Variants in ATP9B observed in about 807,000 individuals in gnomAD.
The protein encoded by ATP9B is probable phospholipid-transporting ATPase IIB.
In ATP9B, 110 loss-of-function variants were observed where a neutral mutation model predicts 146.1. That is an observed-to-expected ratio of 0.75 (90% CI 0.65 to 0.88). The LOEUF is 0.88. Ranked by LOEUF, ATP9B falls within the 40% of genes least tolerant of loss-of-function variation. ATP9B has a pLI of 0.00. For synonymous variants in ATP9B, 604 were observed against 569.7 expected, an observed-to-expected ratio of 1.06 and a Z score of -0.86; for missense variants, 1,499 against 1,496.4, an observed-to-expected ratio of 1.00 and a Z score of -0.03.
Position 79,337,299 on chromosome 18 carries a change from G to A in ATP9B, c.2133G>A (p.Lys711=). 1 of 1,614,014 alleles carries A rather than the reference G, an allele frequency of 6.2e-7. No homozygotes were observed. The highest frequency in any genetic ancestry group is 8.5e-7 in the Non-Finnish European group (1 of 1,179,992). Residue 711 remains lysine (K), a synonymous_variant, in exon 19 of 30, where the codon AAG becomes AAA. Transcript: ENST00000426216. ...CCCAGAGCCGATACACTCAAGCCAA[G>A]CTGAGCATGCACGACAGGTCCCTCA... ...QDFESRYTQA[K]LSMHDRSLKV...
chr18:79,161,782 C>A (rs1326249604), intron 7 of ATP9B, among the ~76,000 whole-genome samples: 5 of 152,092 alleles, frequency 3.3e-5, no homozygotes, highest in African/African-American at 1.2e-4. Context: ...GGAGGCGGAG[C>A]TTGCAGTGAG....
chr18:79,209,613 G>A (rs1160267941), intron 10 of ATP9B: 11 of 981,304 alleles, frequency 1.1e-5, no homozygotes, highest in South Asian at 9.4e-5. Context: ...GTAACATGCC[G>A]GCCCCATCCT....
At chr18:79,327,914 G>T (rs113518515) in intron 15 of ATP9B, among the ~76,000 whole-genome samples, 204 of 52,544 alleles carry the variant, frequency 3.9e-3, no homozygotes, top group Admixed American at 7.1e-3. Flanking sequence ...CTCTCCGTGG[G>T]TAGCGTGCTC....
intron 13 of ATP9B, among the ~76,000 whole-genome samples, chr18:79,292,241 C>T (rs1027249927): frequency 3.3e-5 from 5 of 152,140 alleles, no homozygotes; most frequent in Non-Finnish European, 7.3e-5. Flanking sequence ...AAGAAGGTGG[C>T]GTCCACATTG....
At chr18:79,179,608 A>G (rs1416732263) in intron 8 of ATP9B, among the ~76,000 whole-genome samples, 4 of 152,240 alleles carry the variant, frequency 2.6e-5, no homozygotes, top group South Asian at 4.1e-4. Context: ...GATTTTCCCA[A>G]TGTCTGGTAA....
At chr18:79,342,003 A>G (rs1048059728) in intron 19 of ATP9B, among the ~76,000 whole-genome samples, 8 of 152,206 alleles carry the variant, frequency 5.3e-5, no homozygotes, top group Non-Finnish European at 8.8e-5. Context: ...GGGATCATAC[A>G]GTATTTGTCC....
intron 13 of ATP9B, among the ~76,000 whole-genome samples, chr18:79,292,336 T>C (rs186021074): frequency 3.2e-4 from 48 of 152,290 alleles, no homozygotes; most frequent in Non-Finnish European, 4.6e-4. Context: ...CTCTATTAAT[T>C]AAAGGGGTTT....
At chr18:79,073,423 C>G (rs549729778) in intron 1 of ATP9B, among the ~76,000 whole-genome samples, 2 of 152,182 alleles carry the variant, frequency 1.3e-5, no homozygotes, top group Non-Finnish European at 2.9e-5. Context: ...AGTCAGGAGC[C>G]GGAGACCAGC....
intron 12 of ATP9B, among the ~76,000 whole-genome samples, chr18:79,258,179 CAA>C (rs1471111134): frequency 6.6e-6 from 1 of 152,156 alleles, no homozygotes; most frequent in East Asian, 1.9e-4. Flanking sequence ...TATAGTAAAA[CAA>C]AATAGAAAAT....
chr18:79,155,830 T>TCC (rs537706949), intron 7 of ATP9B, among the ~76,000 whole-genome samples: 125 of 135,220 alleles, frequency 9.2e-4, no homozygotes, highest in African/African-American at 3.2e-3. Context: ...TGGTGCGATC[T>TCC]CCGCTCACTG....
At chr18:79,339,694 AGT>A (rs1298168033) in intron 19 of ATP9B, among the ~76,000 whole-genome samples, 1 of 151,528 alleles carries the variant, frequency 6.6e-6, no homozygotes. Flanking sequence ...CGCAGTAGGA[AGT>A]GTATCATGAT....
chr18:79,211,322 A>G (rs1568414496), intron 10 of ATP9B, among the ~76,000 whole-genome samples: 4 of 152,236 alleles, frequency 2.6e-5, no homozygotes, highest in African/African-American at 7.2e-5. Flanking sequence ...GAAATTTTCT[A>G]TATAGCCTGT....
At chr18:79,154,317 CTT>C (rs113973876) in intron 6 of ATP9B, among the ~76,000 whole-genome samples, 185 bp from the exon 7 acceptor site, 36 of 152,172 alleles carry the variant, frequency 2.4e-4, no homozygotes, top group African/African-American at 7.0e-4. Context: ...GGAAAAAAAT[CTT>C]AGCATTTCAA....
chr18:79,137,983 G>C (rs2094467932), intron 5 of ATP9B, among the ~76,000 whole-genome samples: 1 of 152,208 alleles, frequency 6.6e-6, no homozygotes, highest in Non-Finnish European at 1.5e-5. Flanking sequence ...AATGGGTTAA[G>C]TACTGTCTTC....
intron 4 of ATP9B, among the ~76,000 whole-genome samples, chr18:79,120,044 T>C (rs1056484506): frequency 2.6e-5 from 4 of 152,340 alleles, no homozygotes; most frequent in Admixed American, 1.3e-4. Context: ...TTTGAAAATA[T>C]GTATAGGTGT....
intron 11 of ATP9B, among the ~76,000 whole-genome samples, chr18:79,214,958 G>C (rs1188716689): frequency 6.6e-6 from 1 of 151,926 alleles, no homozygotes; most frequent in Non-Finnish European, 1.5e-5. Flanking sequence ...GACCAGCCTG[G>C]CCAACATGGT....
At chr18:79,125,804 A>G (rs1343302289) in intron 4 of ATP9B, among the ~76,000 whole-genome samples, 4 of 152,204 alleles carry the variant, frequency 2.6e-5, no homozygotes, top group East Asian at 1.9e-4. Flanking sequence ...ATAATGCACT[A>G]TGTAAGAAAA....
chr18:79,221,612 G>T (rs562364677), intron 11 of ATP9B, among the ~76,000 whole-genome samples: 1 of 151,716 alleles, frequency 6.6e-6, no homozygotes, highest in African/African-American at 2.4e-5. Flanking sequence ...TCCCAGCTAC[G>T]CAAGAGGCTG....
chr18:79,200,676 T>G (rs2095461370), intron 9 of ATP9B, among the ~76,000 whole-genome samples: 1 of 78 alleles, frequency 0.013, no homozygotes, highest in South Asian at 0.5. Flanking sequence ...GATACATTTC[T>G]GAATATCTTG....
Sources: allele counts gnomAD v4.1 joint callset (sites outside exome capture counted in the v4.1 genomes callset), GRCh38; gene constraint gnomAD v4.1.1; transcripts MANE v1.5; gene names NCBI Gene and HGNC (gene_info 2026-07-23, HGNC 2026-07-21).